The following MCTP2 variants were observed in gnomAD, a reference collection of about 807,000 sequenced individuals.
The protein encoded by MCTP2 is multiple C2 and transmembrane domain-containing protein 2.
A neutral mutation model predicts 111.6 loss-of-function variants in MCTP2; 132 were observed. That is an observed-to-expected ratio of 1.18 (90% CI 1.03 to 1.37). The LOEUF is 1.37. Ranked by LOEUF, MCTP2 falls within the 40% of genes most tolerant of loss-of-function variation. MCTP2 has a pLI of 0.00. For missense variants in MCTP2, 1,183 were observed against 1,067.9 expected (o/e 1.11, Z -1.50); for synonymous variants, 395 against 387.7 (o/e 1.02, Z -0.22).
chr15:94,254,062 C>G (rs1053827050), intron 1 of MCTP2, among the ~76,000 whole-genome samples: 1 of 152,056 alleles, frequency 6.6e-6, no homozygotes, highest in African/African-American at 2.4e-5. Flanking sequence ...GTGAATACCT[C>G]GATATTTGAT....
intron 17 of MCTP2, among the ~76,000 whole-genome samples, chr15:94,407,080 T>C (rs2081939373): frequency 6.6e-6 from 1 of 152,164 alleles, no homozygotes; most frequent in African/African-American, 2.4e-5. Flanking sequence ...AAGATAACTT[T>C]GCATTGTGAT....
At chr15:94,324,240 G>T (rs1014249513) in intron 4 of MCTP2, among the ~76,000 whole-genome samples, 1 of 152,224 alleles carries the variant, frequency 6.6e-6, no homozygotes, top group Admixed American at 6.5e-5. Flanking sequence ...ATATGGGCAG[G>T]TCTCTCGTCC....
At chr15:94,314,497 G>A (rs1324920815) in intron 3 of MCTP2, among the ~76,000 whole-genome samples, 153 bp downstream of exon 3, 4 of 150,470 alleles carry the variant, frequency 2.7e-5, no homozygotes, top group Admixed American at 6.6e-5. Flanking sequence ...GCAAATTTTC[G>A]CTGGAGGAGA....
intron 1 of MCTP2, among the ~76,000 whole-genome samples, chr15:94,267,883 TG>T (rs2073649531): frequency 7.3e-6 from 1 of 137,846 alleles, no homozygotes. Flanking sequence ...TTTTTTTTTT[TG>T]AGACAGAGTC....
At chr15:94,405,849 A>C (rs1567641854) in intron 17 of MCTP2, among the ~76,000 whole-genome samples, 2 of 152,148 alleles carry the variant, frequency 1.3e-5, no homozygotes, top group East Asian at 3.8e-4. Context: ...TGCCTTTTCT[A>C]AGGTTTACTT....
chr15:94,247,236 G>A (rs369662038), intron 1 of MCTP2, among the ~76,000 whole-genome samples: 2 of 152,168 alleles, frequency 1.3e-5, no homozygotes, highest in Admixed American at 6.6e-5. Flanking sequence ...AGTTCAGAGG[G>A]CATTGGATGC....
chr15:94,439,458 A>G (rs182285166), intron 17 of MCTP2, among the ~76,000 whole-genome samples: 2 of 152,270 alleles, frequency 1.3e-5, no homozygotes, highest in East Asian at 3.9e-4. Context: ...CTCCTGCCTC[A>G]TGTTATAATT....
At chr15:94,352,006 C>T (rs975019308) in intron 8 of MCTP2, among the ~76,000 whole-genome samples, 2 of 152,196 alleles carry the variant, frequency 1.3e-5, no homozygotes, top group Non-Finnish European at 2.9e-5. Flanking sequence ...GTTTCCTCTG[C>T]AGCCATGCCA....
intron 14 of MCTP2, among the ~76,000 whole-genome samples, chr15:94,397,418 C>G (rs2081335006): frequency 6.6e-6 from 1 of 152,230 alleles, no homozygotes; most frequent in Non-Finnish European, 1.5e-5. Flanking sequence ...CAAAGCTAAA[C>G]TGGACCCAAG....
intron 20 of MCTP2, among the ~76,000 whole-genome samples, chr15:94,464,263 A>ATATATATTATATATATATATTATAT (rs2085442011): frequency 8.4e-6 from 1 of 119,158 alleles, no homozygotes; most frequent in East Asian, 2.3e-4. Flanking sequence ...TATATTATAT[A>ATATATATTATATATATATATTATAT]TATATATATA....
At chr15:94,471,574 C>A (rs540134446) in intron 21 of MCTP2, among the ~76,000 whole-genome samples, 9 of 151,886 alleles carry the variant, frequency 5.9e-5, no homozygotes, top group African/African-American at 1.4e-4. Context: ...GAGTATAATC[C>A]AATTATTCTC....
At chr15:94,276,947 C>A (rs201805401) in intron 1 of MCTP2, among the ~76,000 whole-genome samples, 473 of 118,440 alleles carry the variant, frequency 4.0e-3, no homozygotes, top group South Asian at 4.6e-3. Flanking sequence ...GTTGGAAGCC[C>A]AAAAAAAAAA....
At chr15:94,438,979 C>T (rs1229570819) in intron 17 of MCTP2, among the ~76,000 whole-genome samples, 1 of 152,008 alleles carries the variant, frequency 6.6e-6, no homozygotes, top group Non-Finnish European at 1.5e-5. Flanking sequence ...GAAGAGGATC[C>T]TTAATTGTAG....
Position 94,470,405 on chromosome 15 carries a change from G to C in MCTP2, c.2433G>C (p.Leu811Phe). The change falls in exon 21 of 23, where the codon TTG becomes TTC. Residue 811 changes from leucine (L) to phenylalanine (F), a missense_variant. Transcript: ENST00000357742. ...TTCTGGCAGCAGCCACCATCATTTTGTATTTCATTCCACTGCGGTACATCA... is the reference window on the plus strand; with the variant it reads ...TTCTGGCAGCAGCCACCATCATTTTCTATTTCATTCCACTGCGGTACATCA... ...CLILAAATII[L>F]YFIPLRYIIL... 1 of 1,613,724 alleles carries C rather than the reference G, an allele frequency of 6.2e-7. No homozygotes were observed. Among genetic ancestry groups the C allele is most frequent in the Non-Finnish European group, 8.5e-7 (1 of 1,179,658 alleles).
chr15:94,329,292 T>A (rs1008775207), intron 4 of MCTP2, among the ~76,000 whole-genome samples: 5 of 152,154 alleles, frequency 3.3e-5, no homozygotes, highest in African/African-American at 7.2e-5. Flanking sequence ...TTAAAAAAAA[T>A]TTTTTATTAC....
intron 1 of MCTP2, among the ~76,000 whole-genome samples, chr15:94,282,837 A>G (rs1441829060): frequency 1.3e-5 from 2 of 152,142 alleles, no homozygotes; most frequent in East Asian, 3.9e-4. Flanking sequence ...CCTGGCCTGC[A>G]TGCCCTTATC....
intron 15 of MCTP2, chr15:94,399,580 C>A: frequency 5.1e-6 from 1 of 197,236 alleles, no homozygotes; most frequent in Non-Finnish European, 1.0e-5. Flanking sequence ...TTGGTAGAAG[C>A]TTAACTCAAA....
chr15:94,323,197 G>A (rs1157847207), intron 4 of MCTP2, among the ~76,000 whole-genome samples: 1 of 152,206 alleles, frequency 6.6e-6, no homozygotes, highest in Non-Finnish European at 1.5e-5. Context: ...AGACTCACAA[G>A]GAAGTCTGGC....
chr15:94,250,454 C>T (rs998502091), intron 1 of MCTP2, among the ~76,000 whole-genome samples: 1 of 152,160 alleles, frequency 6.6e-6, no homozygotes, highest in African/African-American at 2.4e-5. Context: ...CCTATGAACA[C>T]TGGATTTTTG....
Sources: allele counts gnomAD v4.1 joint callset (sites outside exome capture counted in the v4.1 genomes callset), GRCh38; gene constraint gnomAD v4.1.1; transcripts MANE v1.5; gene names NCBI Gene and HGNC (gene_info 2026-07-23, HGNC 2026-07-21).